The following NUP160 variants were observed in gnomAD, a reference collection of about 807,000 sequenced individuals.
The protein encoded by NUP160 is nuclear pore complex protein Nup160.
A neutral mutation model predicts 196.9 loss-of-function variants in NUP160; 94 were observed. The ratio of observed to expected loss-of-function variants is 0.48; its 90% CI spans 0.40 to 0.57. NUP160 has a LOEUF of 0.57. Among genes scored for constraint, NUP160 ranks in the 20% least tolerant of loss-of-function variants. The pLI is 0.00. For missense variants in NUP160, 1,638 were observed against 1,748.3 expected (o/e 0.94, Z 1.13); for synonymous variants, 605 against 619.7 (o/e 0.98, Z 0.35).
At chr11:47,848,083 C>T in intron 1 of NUP160, 124 bp from the exon 2 acceptor site, 2 of 1,273,448 alleles carry the variant, frequency 1.6e-6, no homozygotes, top group South Asian at 1.2e-5. Flanking sequence ...AAACGTCGGA[C>T]ATCAAGGAAT....
chr11:47,827,088 T>C (rs1851983232), intron 7 of NUP160: 1 of 456,070 alleles, frequency 2.2e-6, no homozygotes, highest in Non-Finnish European at 4.4e-6. Flanking sequence ...AAATTCAGGC[T>C]GGGTGCTGTG....
intron 34 of NUP160, 57 bp downstream of exon 34, chr11:47,783,016 A>G (rs964404463): frequency 6.9e-7 from 1 of 1,455,338 alleles, no homozygotes; most frequent in Non-Finnish European, 9.6e-7. Context: ...ACCACTGTAA[A>G]GTTGAAAAAT....
At chr11:47,848,382 C>T in exon 1 of NUP160, 2 of 1,606,112 alleles carry the variant, frequency 1.2e-6, no homozygotes. Flanking sequence ...CCGTCACTTC[C>T]GGGGGTGGGG....
chr11:47,784,804 T>A (rs2097663567), intron 33 of NUP160, 118 bp downstream of exon 33: 5 of 714,642 alleles, frequency 7.0e-6, no homozygotes, highest in Admixed American at 3.3e-5. Flanking sequence ...GGCCTACCAA[T>A]GTGCGGGCAT....
intron 7 of NUP160, among the ~76,000 whole-genome samples, chr11:47,823,135 A>G (rs980912127): frequency 6.6e-6 from 1 of 152,202 alleles, no homozygotes; most frequent in Non-Finnish European, 1.5e-5. Context: ...ATGATCCCTG[A>G]AAGTATAGTC....
intron 30 of NUP160, 40 bp from the exon 31 acceptor site, chr11:47,788,345 A>AT: frequency 6.2e-7 from 1 of 1,612,086 alleles, no homozygotes; most frequent in Non-Finnish European, 8.5e-7. Context: ...TAGCCAAGGT[A>AT]TACACAAATG....
At chr11:47,803,397 T>TA in intron 22 of NUP160, 41 bp downstream of exon 22, 1 of 1,243,210 alleles carries the variant, frequency 8.0e-7, no homozygotes, top group Non-Finnish European at 1.2e-6. Flanking sequence ...TTCCTTGCGT[T>TA]AAAGTTTATA....
intron 23 of NUP160, among the ~76,000 whole-genome samples, chr11:47,799,808 A>T (rs2135360433): frequency 6.6e-6 from 1 of 152,184 alleles, no homozygotes; most frequent in African/African-American, 2.4e-5. Context: ...AGCCTCTCAA[A>T]GTGTTGGGAT....
chr11:47,799,998 A>T (rs2097673205), intron 23 of NUP160, among the ~76,000 whole-genome samples: 1 of 152,142 alleles, frequency 6.6e-6, no homozygotes, highest in Admixed American at 6.6e-5. Context: ...TCATGCCTAT[A>T]ATCCCAGCAC....
intron 7 of NUP160, 49 bp downstream of exon 7, chr11:47,835,602 A>G: frequency 2.1e-6 from 3 of 1,435,682 alleles, no homozygotes; most frequent in Non-Finnish European, 2.8e-6. Flanking sequence ...CCATTTCTCC[A>G]CATCAGTACA....
chr11:47,831,599 T>C (rs1852073101), intron 7 of NUP160, among the ~76,000 whole-genome samples: 3 of 151,688 alleles, frequency 2.0e-5, no homozygotes, highest in Non-Finnish European at 4.4e-5. Flanking sequence ...ATCCCAGCAC[T>C]TTGGGAGGCC....
At chr11:47,780,478 C>A in intron 34 of NUP160, 31 bp from the exon 35 acceptor site, 1 of 1,420,052 alleles carries the variant, frequency 7.0e-7, no homozygotes, top group South Asian at 1.1e-5. Context: ...TGAAAACAGT[C>A]TGCAAAGTGT....
chr11:47,804,372 C>T (rs2097676226), intron 21 of NUP160, 177 bp downstream of exon 21: 4 of 526,270 alleles, frequency 7.6e-6, no homozygotes, highest in South Asian at 3.0e-5. Context: ...CAGACAAAAT[C>T]AAGCAAGTTC....
At chr11:47,837,312 A>C (rs1301364908) in intron 5 of NUP160, among the ~76,000 whole-genome samples, 1 of 152,198 alleles carries the variant, frequency 6.6e-6, no homozygotes, top group Non-Finnish European at 1.5e-5. Flanking sequence ...CAGAGCACTG[A>C]ACTGGATATT....
rs1283098227 is a variant in NUP160 at position 47,797,790 on chromosome 11, T to C, written c.3278A>G (p.Asn1093Ser). 5 of 1,611,172 alleles carry C rather than the reference T, an allele frequency of 3.1e-6. No individual in the cohort carries two copies. In the East Asian group the frequency reaches 6.7e-5, roughly 22 times the overall value. ...GTTACATTGCTCACCCTTGCGGTAA[T>C]TGTGGCGATAGATGTGAAAGGCATA... is the stretch of plus-strand genomic sequence containing the variant. The change falls in exon 27 of 36, where the codon AAT (asparagine) becomes AGT (serine). Residue 1093 changes from asparagine (N) to serine (S), a missense_variant. Physicochemically the swap from Asn to Ser is conservative, Grantham distance 46. Around this residue, in one of 3 missense-constraint regions of NUP160, gnomAD observed 1,345 missense variants for 1,470.2 expected, o/e 0.91. Transcript: ENST00000378460.
At chr11:47,820,541 TTATTTATTTA>T (rs1206946444) in intron 9 of NUP160, among the ~76,000 whole-genome samples, 2 of 151,836 alleles carry the variant, frequency 1.3e-5, no homozygotes, top group African/African-American at 4.8e-5. Context: ...CTAGTTTATT[TTATTTATTTA>T]TATTTATTTA....
At chr11:47,793,096 C>T (rs12274199) in intron 27 of NUP160, 150 bp from the exon 28 acceptor site, 29,359 of 544,846 alleles carry the variant, frequency 0.054, 980 homozygotes, top group African/African-American at 0.12. Flanking sequence ...AAGCGATTCT[C>T]CTGCCTCAGC....
intron 33 of NUP160, among the ~76,000 whole-genome samples, chr11:47,783,585 A>T (rs1599302164): frequency 6.6e-6 from 1 of 152,206 alleles, no homozygotes; most frequent in African/African-American, 2.4e-5. Context: ...ATGAATGACA[A>T]ATGCAAAAGA....
chr11:47,798,577 C>T (rs2097672262), intron 23 of NUP160, 114 bp from the exon 24 acceptor site: 2 of 650,074 alleles, frequency 3.1e-6, no homozygotes, highest in Non-Finnish European at 5.5e-6. Context: ...GTGGCTCACA[C>T]CTCCAATCCC....
Sources: gnomAD v4.1 joint callset for allele counts (sites outside exome capture counted in the v4.1 genomes callset) on GRCh38, gnomAD v4.1.1 for gene constraint, gnomAD v4.1.1 regional missense constraint, MANE v1.5 for transcripts, NCBI Gene and HGNC (gene_info 2026-07-23, HGNC 2026-07-21) for gene names.